Variants in REPS1 observed in about 807,000 individuals in gnomAD.
The protein encoded by REPS1 is ralBP1-associated Eps domain-containing protein 1.
Under a neutral mutation model 100.9 loss-of-function variants are expected in REPS1, and 39 were observed. That is an observed-to-expected ratio of 0.39 (90% CI 0.30 to 0.50). The LOEUF (loss-of-function observed/expected upper bound fraction) is 0.50, where lower values mean the gene tolerates loss of function less well. REPS1 is among the 20% of genes least tolerant of loss of function. The probability of loss-of-function intolerance (pLI) is 0.86; values close to 1 mark genes in which losing one functional copy is unlikely to be tolerated. For missense variants in REPS1, 821 were observed against 968.5 expected (o/e 0.85, Z 2.02); for synonymous variants, 324 against 340.3 (o/e 0.95, Z 0.53).
chr6:138,953,315 T>C (rs974427532), intron 1 of REPS1, among the ~76,000 whole-genome samples: 3 of 151,988 alleles, frequency 2.0e-5, no homozygotes, highest in Admixed American at 1.3e-4. Context: ...CTCAAAAGCA[T>C]AGGCAACAAA....
At chr6:138,931,067 A>C (rs1781455255) in intron 8 of REPS1, among the ~76,000 whole-genome samples, 1 of 152,140 alleles carries the variant, frequency 6.6e-6, no homozygotes, top group South Asian at 2.1e-4. Context: ...GGAGTACCTA[A>C]TCGGTTTAGA....
intron 15 of REPS1, among the ~76,000 whole-genome samples, chr6:138,913,514 G>A (rs1356304552): frequency 1.3e-5 from 2 of 152,058 alleles, no homozygotes; most frequent in Non-Finnish European, 2.9e-5. Flanking sequence ...AAACAAATGA[G>A]GCCCACTTAT....
At chr6:138,935,268 C>G (rs1781733724) in intron 8 of REPS1, among the ~76,000 whole-genome samples, 1 of 152,054 alleles carries the variant, frequency 6.6e-6, no homozygotes, top group Non-Finnish European at 1.5e-5. Flanking sequence ...TGAAAAGAAA[C>G]AAAATATTCA....
chr6:138,957,075 T>A (rs1390217745), intron 1 of REPS1, among the ~76,000 whole-genome samples: 1 of 152,076 alleles, frequency 6.6e-6, no homozygotes, highest in Non-Finnish European at 1.5e-5. Flanking sequence ...GACCAAATTT[T>A]TATTAAAATA....
intron 9 of REPS1, chr6:138,927,532 T>C (rs1456819769): frequency 6.6e-6 from 1 of 152,144 alleles, no homozygotes; most frequent in Non-Finnish European, 1.5e-5. Context: ...AACTACCCCA[T>C]AAACCAAAAT....
chr6:138,975,427 T>C (rs1239950174), intron 1 of REPS1, among the ~76,000 whole-genome samples: 1 of 152,132 alleles, frequency 6.6e-6, no homozygotes, highest in African/African-American at 2.4e-5. Context: ...CAACGAAAGG[T>C]ATAAAGCTAG....
At chr6:138,978,078 G>C (rs534720421) in intron 1 of REPS1, among the ~76,000 whole-genome samples, 112 of 142,480 alleles carry the variant, frequency 7.9e-4, no homozygotes, top group African/African-American at 2.6e-3. Flanking sequence ...TTAAGCCTAA[G>C]AATGGGCTTT....
chr6:138,923,241 T>G (rs1443068047), intron 10 of REPS1, among the ~76,000 whole-genome samples: 1 of 152,176 alleles, frequency 6.6e-6, no homozygotes, highest in Non-Finnish European at 1.5e-5. Flanking sequence ...AACTCTACTA[T>G]TTTCTTAATT....
At chr6:138,956,266 A>G (rs948172492) in intron 1 of REPS1, among the ~76,000 whole-genome samples, 1 of 152,126 alleles carries the variant, frequency 6.6e-6, no homozygotes, top group Non-Finnish European at 1.5e-5. Context: ...TTGCAATTAG[A>G]AAACAGAATA....
chr6:138,933,648 G>C (rs115068636), intron 8 of REPS1, among the ~76,000 whole-genome samples: 2 of 152,120 alleles, frequency 1.3e-5, no homozygotes, highest in African/African-American at 2.4e-5. Context: ...AGATGTAAAA[G>C]AAATTTGCAA....
intron 1 of REPS1, among the ~76,000 whole-genome samples, chr6:138,962,673 T>C (rs968312541): frequency 2.6e-5 from 4 of 152,102 alleles, no homozygotes; most frequent in African/African-American, 9.7e-5. Context: ...TGTTTTCCCC[T>C]CAGACCTCTC....
At chr6:138,917,739 T>A in intron 12 of REPS1, 112 bp from the exon 13 acceptor site, 1 of 795,594 alleles carries the variant, frequency 1.3e-6, no homozygotes, top group East Asian at 2.7e-5. Flanking sequence ...TAGTCAAAGA[T>A]TGGCTAATAG....
intron 10 of REPS1, among the ~76,000 whole-genome samples, chr6:138,922,275 T>A (rs1780824189): frequency 6.6e-6 from 1 of 152,184 alleles, no homozygotes; most frequent in Admixed American, 6.5e-5. Flanking sequence ...TACGGATTAA[T>A]TCAAAGTGTT....
intron 1 of REPS1, among the ~76,000 whole-genome samples, chr6:138,984,922 T>C (rs1019503823): frequency 2.6e-5 from 4 of 152,184 alleles, no homozygotes; most frequent in Admixed American, 6.5e-5. Context: ...GTCTCTCCCT[T>C]TCTATTCTAC....
intron 12 of REPS1, among the ~76,000 whole-genome samples, 198 bp from the exon 13 acceptor site, chr6:138,917,825 C>T (rs946680190): frequency 1.3e-5 from 2 of 151,950 alleles, no homozygotes; most frequent in South Asian, 4.1e-4. Context: ...ACACAGTAGA[C>T]AAAGCAAGTT....
Position 138,911,336 on chromosome 6 carries a change from T to C in REPS1, c.2007A>G (p.Arg669=), listed in dbSNP as rs1323519815. Residue 669 remains arginine, a synonymous_variant, in exon 17 of 20, where the codon CGA becomes CGG. Transcript: ENST00000450536. The part of the protein sequence containing the change: ...EKASDPASSL[R]VAKTDSKTEE... ...CAGTTTTACTATCTGTTTTGGCAAC[T>C]CGAAGAGAACTTGCAGGATCAGAAG... is the stretch of plus-strand genomic sequence containing the variant. 8 of 1,613,828 alleles carry C rather than the reference T, an allele frequency of 5.0e-6. No homozygotes were observed. Among genetic ancestry groups the C allele is most frequent in the Non-Finnish European group, 6.8e-6 (8 of 1,179,778 alleles).
intron 1 of REPS1, among the ~76,000 whole-genome samples, chr6:138,960,946 A>G (rs1256913092): frequency 6.6e-6 from 1 of 152,188 alleles, no homozygotes; most frequent in Non-Finnish European, 1.5e-5. Flanking sequence ...TTTTCATTGG[A>G]AAGCGTGAAT....
At chr6:138,910,010 G>A (rs1271404332) in intron 17 of REPS1, among the ~76,000 whole-genome samples, 1 of 152,118 alleles carries the variant, frequency 6.6e-6, no homozygotes, top group Non-Finnish European at 1.5e-5. Context: ...GCAATCTAAA[G>A]TACACTGATA....
intron 18 of REPS1, 146 bp from the exon 19 acceptor site, chr6:138,907,746 T>G: frequency 1.8e-6 from 1 of 569,276 alleles, no homozygotes; most frequent in Admixed American, 3.0e-5. Flanking sequence ...ACTTGCTCAG[T>G]TGCAGTAGTA....
Sources: allele counts gnomAD v4.1 joint callset (sites outside exome capture counted in the v4.1 genomes callset), GRCh38; gene constraint gnomAD v4.1.1; transcripts MANE v1.5; gene names NCBI Gene and HGNC (gene_info 2026-07-23, HGNC 2026-07-21).